BICD2: variants seen among roughly 807,000 people sequenced by gnomAD.
The protein encoded by BICD2 is BICD cargo adaptor 2, also known as protein bicaudal D homolog 2.
In BICD2, 25 loss-of-function variants were observed where a neutral mutation model predicts 72.9. The observed-to-expected ratio is 0.34, with a 90% CI of 0.25 to 0.48. The LOEUF is 0.48. Ranked by LOEUF, BICD2 falls within the 20% of genes least tolerant of loss-of-function variation. BICD2 has a pLI of 0.99. For synonymous variants in BICD2, 501 were observed against 516.1 expected (o/e 0.97, Z 0.40); for missense variants, 894 against 1,175.2 (o/e 0.76, Z 3.50).
chr9:92,720,222 T>C lies in BICD2; in HGVS notation c.1062+78A>G. On this transcript the variant is annotated intron_variant, in intron 4 of 6. Transcript: ENST00000356884. The surrounding 1 kb of genome is among the most constrained non-coding windows in gnomAD (Gnocchi z 5.4). ...AAAGGGAAAGTTAACATCAGCAGAG[T>C]GTCAGGTAAGCACTGCTCGGGGAGC... is the stretch of plus-strand genomic sequence containing the variant. 3 of 1,336,542 alleles carry C rather than the reference T, an allele frequency of 2.2e-6. No homozygotes were observed. Among genetic ancestry groups the C allele is most frequent in the South Asian group, 1.4e-5 (1 of 70,182 alleles). The allele number at this position is 1,336,542 out of a possible 1,614,324, so 82.8% of individuals were successfully genotyped here.
chr9:92,720,681 C>T lies in BICD2; in HGVS notation c.681G>A (p.Glu227=). 6.2e-7 allele frequency: 1 copy of T among 1,614,178 alleles called. No individual in the cohort carries two copies. Among genetic ancestry groups the T allele is most frequent in the Non-Finnish European group, 8.5e-7 (1 of 1,180,040 alleles). The change falls in exon 4 of 7, where the codon GAG becomes GAA. Residue 227 remains glutamate, a synonymous_variant. Transcript: ENST00000356884. This position sits in a 1 kb window ranked among gnomAD's most constrained non-coding sequence, Gnocchi z 5.4. ...AGATCTCCTTGAGGCGGATGGCATC[C>T]TCCAGCTGGCTGTTGAGGTACTCGG... The part of the protein sequence containing the change: ...EETEYLNSQL[E]DAIRLKEISE...
chr9:92,729,310 C>T (rs547265483), intron 1 of BICD2, 74 bp from the exon 2 acceptor site: 22 of 1,482,318 alleles, frequency 1.5e-5, no homozygotes, highest in African/African-American at 2.8e-5. Flanking sequence ...AGCTCACAGG[C>T]GACATTCATG....
At chr9:92,742,278 C>CA (rs1229756228) in intron 1 of BICD2, among the ~76,000 whole-genome samples, 1 of 152,142 alleles carries the variant, frequency 6.6e-6, no homozygotes, top group Non-Finnish European at 1.5e-5. Flanking sequence ...GTTAAAAAGA[C>CA]ATAATCCACG....
Position 92,713,354 on chromosome 9 carries a change from G to C in BICD2, c.*1800C>G. The C allele has an allele frequency of 7.6e-7, 1 of 1,313,412 alleles. No individual in the cohort carries two copies. Among genetic ancestry groups the C allele is most frequent in the Non-Finnish European group, 1.1e-6 (1 of 936,510 alleles). 81.4% of individuals were successfully genotyped at this position (1,313,412 alleles called of 1,614,324 possible). On this transcript the variant is annotated 3_prime_UTR_variant, in exon 7 of 7. Coordinates refer to ENST00000356884, the MANE Select transcript of BICD2 (RefSeq NM_001003800.2). ...GCATATCCAAAAAGTTTCTAAGTGGGCTTTTAGGTTGCCCTTCCTTCCTCC... is the reference window on the plus strand; with the variant it reads ...GCATATCCAAAAAGTTTCTAAGTGGCCTTTTAGGTTGCCCTTCCTTCCTCC...
At chr9:92,734,420 A>G (rs1853735989) in intron 1 of BICD2, among the ~76,000 whole-genome samples, 1 of 151,884 alleles carries the variant, frequency 6.6e-6, no homozygotes. Flanking sequence ...AGGCTGATGC[A>G]CAAGAATCCT....
At position 92,720,837 on chromosome 9, in the gene BICD2, C is replaced by T; in HGVS notation, c.607-82G>A. 3 of 1,404,752 alleles carry T rather than the reference C, an allele frequency of 2.1e-6. No homozygotes were observed. Among genetic ancestry groups the T allele is most frequent in the Non-Finnish European group, 2.9e-6 (3 of 1,037,760 alleles). The allele number at this position is 1,404,752 out of a possible 1,614,324, so 87.0% of individuals were successfully genotyped here. ...CCCATAAATGAAGAAAACACACCAG[C>T]ACACCAACTCCGGCCACTATGAAGC... On this transcript the variant is annotated intron_variant, in intron 3 of 6. Coordinates refer to ENST00000356884, the MANE Select transcript of BICD2 (RefSeq NM_001003800.2). This position sits in a 1 kb window ranked among gnomAD's most constrained non-coding sequence, Gnocchi z 5.4.
intron 1 of BICD2, among the ~76,000 whole-genome samples, chr9:92,732,100 C>T (rs1177059609): frequency 2.0e-5 from 3 of 152,208 alleles, no homozygotes; most frequent in South Asian, 2.1e-4. Flanking sequence ...CGTCACTTAC[C>T]ACTGAGCAGG....
chr9:92,721,972 G>A (rs538583171), intron 3 of BICD2, among the ~76,000 whole-genome samples: 1 of 152,332 alleles, frequency 6.6e-6, no homozygotes, highest in East Asian at 1.9e-4. Flanking sequence ...GATTTTGGTG[G>A]TAGAGGATTT....
In BICD2 at chr9:92,714,793, T is replaced by G; in HGVS notation, c.*361A>C. 2 of 1,037,804 alleles carry G rather than the reference T, an allele frequency of 1.9e-6. No homozygotes were observed. The highest frequency in any genetic ancestry group is 1.2e-6 in the Non-Finnish European group (1 of 864,420). 64.3% of individuals were successfully genotyped at this position (1,037,804 alleles called of 1,614,324 possible). ...AAGTCTCAACTCAGGTTCTGCCCCTTTTGGGTGCTGAGGGAGCAGGACCAG... is the reference window on the plus strand; with the variant it reads ...AAGTCTCAACTCAGGTTCTGCCCCTGTTGGGTGCTGAGGGAGCAGGACCAG... On this transcript the variant is annotated 3_prime_UTR_variant, in exon 7 of 7. Transcript: ENST00000356884.
At position 92,764,181 on chromosome 9, in the gene BICD2, A is replaced by G. The variant is rs1320166521; in HGVS notation, c.240+324T>C. ...CCACCCCACACTCAGACACACCCGG[A>G]ACAGCGACCACCGCAAAGCATCAGC... On this transcript the variant is annotated intron_variant, in intron 1 of 6. Transcript: ENST00000356884. The surrounding 1 kb of genome is among the most constrained non-coding windows in gnomAD (Gnocchi z 5.5). Among the ~76,000 whole-genome samples, 1 of 140,510 alleles carries G rather than the reference A, an allele frequency of 7.1e-6. No individual in the cohort carries two copies. The highest frequency in any genetic ancestry group is 2.4e-4 in the East Asian group (1 of 4,102). The allele number at this position is 140,510 out of a possible 152,430, so 92.2% of individuals were successfully genotyped here. A position where few individuals can be genotyped will look rare whatever the true frequency, so the allele number is the denominator to read the frequency against.
intron 1 of BICD2, among the ~76,000 whole-genome samples, chr9:92,747,574 C>G (rs1331384143): frequency 6.6e-6 from 1 of 152,186 alleles, no homozygotes; most frequent in East Asian, 1.9e-4. Context: ...CCCAGGACAG[C>G]AGAATTCCCT....
At chr9:92,757,141 C>T (rs1047894166) in intron 1 of BICD2, among the ~76,000 whole-genome samples, 1 of 151,852 alleles carries the variant, frequency 6.6e-6, no homozygotes, top group Non-Finnish European at 1.5e-5. Context: ...TGGTGAAACC[C>T]CGCCTCTACT....
intron 2 of BICD2, among the ~76,000 whole-genome samples, chr9:92,727,374 G>T (rs1483578998): frequency 6.6e-6 from 1 of 152,218 alleles, no homozygotes; most frequent in Non-Finnish European, 1.5e-5. Flanking sequence ...CACAATGTGG[G>T]GTGAAAGACC....
chr9:92,762,480 A>G (rs1854393010), intron 1 of BICD2, among the ~76,000 whole-genome samples: 1 of 152,176 alleles, frequency 6.6e-6, no homozygotes. Flanking sequence ...TTCAGAACAG[A>G]GCAGTAATTT....
rs1554706635 is a variant in BICD2, at chr9:92,729,176, C to T, written c.301G>A (p.Glu101Lys). The T allele has an allele frequency of 1.9e-6, 3 of 1,614,264 alleles. No homozygotes were observed. The highest frequency in any genetic ancestry group is 2.5e-6 in the Non-Finnish European group (3 of 1,180,052). ...KVAADGESRE[E>K]SLIQESASKE... ...GAGGCCGACTCCTGGATCAGGCTCT[C>T]CTCCCGGCTCTCTCCGTCAGCAGCC... is the stretch of plus-strand genomic sequence containing the variant. Residue 101 changes from glutamate (E) to lysine (K), a missense_variant, in exon 2 of 7, where the codon GAG (glutamate) becomes AAG (lysine). By Grantham distance (56) the Glu-to-Lys change is moderately conservative (BLOSUM62 1). Around this residue, in one of 5 missense-constraint regions of BICD2, gnomAD observed 192 missense variants for 243.6 expected, o/e 0.79. Transcript: ENST00000356884.
At chr9:92,722,277 C>T (rs376756535) in intron 3 of BICD2, among the ~76,000 whole-genome samples, 17 of 152,288 alleles carry the variant, frequency 1.1e-4, no homozygotes, top group African/African-American at 4.1e-4. Context: ...AGAGGACCTT[C>T]CTTGTCCCTG....
chr9:92,739,501 A>C (rs1419511685), intron 1 of BICD2, among the ~76,000 whole-genome samples: 1 of 152,152 alleles, frequency 6.6e-6, no homozygotes, highest in Non-Finnish European at 1.5e-5. Flanking sequence ...GGCTCGGTCA[A>C]CACTTTACTG....
At chr9:92,741,421 A>G (rs1285004886) in intron 1 of BICD2, among the ~76,000 whole-genome samples, 1 of 152,278 alleles carries the variant, frequency 6.6e-6, no homozygotes, top group Non-Finnish European at 1.5e-5. Context: ...CCAACAAGTA[A>G]GTAAACCATA....
chr9:92,748,672 G>A (rs962528085), intron 1 of BICD2, among the ~76,000 whole-genome samples: 3 of 152,038 alleles, frequency 2.0e-5, no homozygotes, highest in African/African-American at 7.3e-5. Context: ...TCCATCCCCA[G>A]CTGGGTGGGG....
Sources: gnomAD v4.1 joint callset for allele counts (sites outside exome capture counted in the v4.1 genomes callset) on GRCh38, gnomAD v4.1.1 for gene constraint, gnomAD v4.1.1 regional missense constraint, Gnocchi (gnomAD v3.1) non-coding constraint, MANE v1.5 for transcripts, NCBI Gene and HGNC (gene_info 2026-07-23, HGNC 2026-07-21) for gene names.